Variants in RBFOX1 observed in about 807,000 individuals in gnomAD.
The protein encoded by RBFOX1 is RNA binding protein fox-1 homolog 1.
Under a neutral mutation model 57.7 loss-of-function variants are expected in RBFOX1, and 8 were observed. That is an observed-to-expected ratio of 0.14 (90% CI 0.08 to 0.25). The LOEUF (loss-of-function observed/expected upper bound fraction) is 0.25. Among genes scored for constraint, RBFOX1 ranks in the 10% least tolerant of loss-of-function variants. RBFOX1 has a pLI of 1.00. For synonymous variants in RBFOX1, 326 were observed against 222.4 expected (o/e 1.47, Z -4.15); for missense variants, 611 against 548.5 (o/e 1.11, Z -1.14).
intron 3 of RBFOX1, among the ~76,000 whole-genome samples, chr16:7,038,203 A>T (rs963500562): frequency 6.6e-6 from 1 of 152,006 alleles, no homozygotes; most frequent in Non-Finnish European, 1.5e-5. Context: ...GTCCCAGGAG[A>T]CCGGTTCAGG....
At chr16:6,265,654 G>A (rs1353952219) in intron 1 of RBFOX1, among the ~76,000 whole-genome samples, 2 of 152,198 alleles carry the variant, frequency 1.3e-5, no homozygotes, top group African/African-American at 2.4e-5. Flanking sequence ...TTCTTGTGCA[G>A]GATATGTGCG....
chr16:5,501,174 TG>T (rs2151697759), intron 2 of RBFOX1, among the ~76,000 whole-genome samples: 1 of 151,334 alleles, frequency 6.6e-6, no homozygotes, highest in East Asian at 1.9e-4. Flanking sequence ...AAAAATTATC[TG>T]GGTGTGGTGG....
At chr16:7,674,094 T>C (rs1337957476) in intron 13 of RBFOX1, among the ~76,000 whole-genome samples, 3 of 152,232 alleles carry the variant, frequency 2.0e-5, no homozygotes, top group Admixed American at 6.5e-5. Context: ...ATTTATATTT[T>C]ACAGTGTATG....
chr16:6,267,216 A>G (rs1310204571), intron 1 of RBFOX1, among the ~76,000 whole-genome samples: 4 of 152,202 alleles, frequency 2.6e-5, no homozygotes, highest in Non-Finnish European at 5.9e-5. Context: ...GATCAAAGGA[A>G]AAGTATTTGG....
intron 1 of RBFOX1, among the ~76,000 whole-genome samples, chr16:5,377,616 CAGAG>C (rs145559003): frequency 2.7e-5 from 4 of 149,974 alleles, no homozygotes; most frequent in Non-Finnish European, 3.0e-5. Flanking sequence ...AAGAGAGAGA[CAGAG>C]AGAGAGAGAA....
intron 4 of RBFOX1, among the ~76,000 whole-genome samples, chr16:7,250,744 G>T (rs991252403): frequency 6.6e-6 from 1 of 152,138 alleles, no homozygotes; most frequent in Non-Finnish European, 1.5e-5. Flanking sequence ...ACCAGGGAGG[G>T]TCATGCTGTG....
At position 5,543,890 on chromosome 16, in the gene RBFOX1, CAAAAAT is replaced by C. The variant is rs1403335403; in HGVS notation, c.259-55006_259-55001del. 4.6e-5 allele frequency among the ~76,000 whole-genome samples: 7 copies of C among 152,070 alleles called. No homozygotes were observed. In the East Asian group the frequency reaches 7.7e-4, roughly 17 times the overall value. ...AAAGATAGGGAGTAAAACAACAAAA[CAAAAAT>C]AAAAACACTAATGTAAGTGCAAAAA... On this transcript the variant is annotated intron_variant, in intron 2 of 2. Coordinates refer to the RBFOX1 transcript ENST00000585867.
At chr16:6,618,010 G>C (rs1055586977) in intron 2 of RBFOX1, among the ~76,000 whole-genome samples, 2 of 152,102 alleles carry the variant, frequency 1.3e-5, no homozygotes, top group Non-Finnish European at 2.9e-5. Context: ...CTATCCACCT[G>C]GCAAATACCT....
rs1037954530 is a variant in RBFOX1 at position 7,327,229 on chromosome 16, T to G, written c.28-190918T>G. Among the ~76,000 whole-genome samples, 21 of 152,344 alleles carry G rather than the reference T, an allele frequency of 1.4e-4. No individual in the cohort carries two copies. In the East Asian group the frequency reaches 3.9e-3, roughly 28 times the overall value. On this transcript the variant is annotated intron_variant, in intron 4 of 15. Transcript: ENST00000550418. ...AAGGAAGAGAGGAAGGAAGGGTATTTCTGCATAGCAGGCAAGTTTAAATGG... is the reference window on the plus strand; with the variant it reads ...AAGGAAGAGAGGAAGGAAGGGTATTGCTGCATAGCAGGCAAGTTTAAATGG...
intron 1 of RBFOX1, among the ~76,000 whole-genome samples, chr16:6,106,955 G>A (rs988669997): frequency 6.6e-6 from 1 of 152,212 alleles, no homozygotes; most frequent in South Asian, 2.1e-4. Context: ...ACAGGCGTGA[G>A]CCACCATGCC....
At chr16:7,244,124 A>C (rs1349691881) in intron 4 of RBFOX1, among the ~76,000 whole-genome samples, 1 of 152,044 alleles carries the variant, frequency 6.6e-6, no homozygotes, top group Admixed American at 6.6e-5. Context: ...GCTCAATCTT[A>C]AACAGCAGTA....
At chr16:5,245,832 T>A (rs917551858) in intron 1 of RBFOX1, among the ~76,000 whole-genome samples, 1 of 152,252 alleles carries the variant, frequency 6.6e-6, no homozygotes, top group African/African-American at 2.4e-5. Context: ...TCCAATCAAA[T>A]GTCAATTAAC....
chr16:6,132,352 T>C (rs915634990), intron 1 of RBFOX1, among the ~76,000 whole-genome samples: 4 of 152,206 alleles, frequency 2.6e-5, no homozygotes, highest in African/African-American at 4.8e-5. Context: ...CATAGAATCA[T>C]GCGAATGCAT....
At chr16:7,005,529 T>C (rs895975871) in intron 3 of RBFOX1, among the ~76,000 whole-genome samples, 1 of 152,118 alleles carries the variant, frequency 6.6e-6, no homozygotes, top group Non-Finnish European at 1.5e-5. Flanking sequence ...CAATGATAAG[T>C]GTTCTGTAAT....
intron 4 of RBFOX1, among the ~76,000 whole-genome samples, chr16:6,012,940 A>G (rs1433611687): frequency 1.3e-5 from 2 of 152,212 alleles, no homozygotes; most frequent in Admixed American, 6.5e-5. Flanking sequence ...CTGGGAACCT[A>G]TGACAGTTCC....
intron 3 of RBFOX1, among the ~76,000 whole-genome samples, chr16:6,879,296 C>G (rs2062443456): frequency 6.6e-6 from 1 of 152,180 alleles, no homozygotes; most frequent in Non-Finnish European, 1.5e-5. Flanking sequence ...CAGCCCAACA[C>G]TATATGCCAT....
rs1354595631 is a variant in RBFOX1, at chr16:6,487,684, AAAAAAAAAAAAAAAAAATATATATAT to A, written c.-63-166917_-63-166892del. On this transcript the variant is annotated intron_variant, in intron 2 of 15. Transcript: ENST00000550418. ...GGCAGTGATATATGTAAAAAAAAAA[AAAAAAAAAAAAAAAAAATATATATAT>A]ATATATATATATATATATATATATA... 4.7e-3 allele frequency among the ~76,000 whole-genome samples: 91 copies of A among 19,260 alleles called. 1 individual carries two copies. The highest frequency in any genetic ancestry group is 9.3e-3 in the South Asian group (3 of 324). The allele number at this position is 19,260 out of a possible 152,430, so 12.6% of individuals were successfully genotyped here. A position where few individuals can be genotyped will look rare whatever the true frequency, so the allele number is the denominator to read the frequency against.
At chr16:5,655,943 G>A (rs2049414529) in intron 3 of RBFOX1, among the ~76,000 whole-genome samples, 1 of 152,196 alleles carries the variant, frequency 6.6e-6, no homozygotes, top group Admixed American at 6.5e-5. Context: ...TGTGAGCTCT[G>A]AGGAAGAAGG....
intron 3 of RBFOX1, among the ~76,000 whole-genome samples, chr16:6,731,178 C>CA (rs947813347): frequency 7.2e-5 from 11 of 151,914 alleles, no homozygotes; most frequent in Admixed American, 5.2e-4. Flanking sequence ...ATCTAAGATG[C>CA]AAAAATACAG....
Sources: allele counts gnomAD v4.1 joint callset (sites outside exome capture counted in the v4.1 genomes callset), GRCh38; gene constraint gnomAD v4.1.1; transcripts MANE v1.5; gene names NCBI Gene and HGNC (gene_info 2026-07-23, HGNC 2026-07-21).